HDAC4: variants seen among roughly 807,000 people sequenced by gnomAD.
HDAC4 encodes the protein histone deacetylase 4.
A neutral mutation model predicts 135.1 loss-of-function variants in HDAC4; 16 were observed. The observed-to-expected ratio is 0.12, with a 90% confidence interval of 0.08 to 0.18. The LOEUF (loss-of-function observed/expected upper bound fraction) is 0.18. Among genes scored for constraint, HDAC4 ranks in the 10% least tolerant of loss-of-function variants. The pLI is 1.00. For missense variants in HDAC4, 1,143 were observed against 1,511.8 expected, an observed-to-expected ratio of 0.76 and a Z score of 4.05; for synonymous variants, 685 against 653.4, an observed-to-expected ratio of 1.05 and a Z score of -0.74.
At chr2:239,259,177 G>A (rs1335401834) in intron 2 of HDAC4, among the ~76,000 whole-genome samples, 3 of 152,228 alleles carry the variant, frequency 2.0e-5, no homozygotes, top group Non-Finnish European at 4.4e-5. Context: ...GCCAGATGCA[G>A]TGGCTCACGC....
intron 17 of HDAC4, chr2:239,094,636 T>C: frequency 3.5e-6 from 4 of 1,144,684 alleles, no homozygotes; most frequent in Non-Finnish European, 4.3e-6. Context: ...GGGTGGAAAC[T>C]AGGTACAGAA....
intron 2 of HDAC4, among the ~76,000 whole-genome samples, chr2:239,338,025 G>A (rs533486493): frequency 8.5e-5 from 13 of 152,218 alleles, no homozygotes; most frequent in African/African-American, 1.7e-4. Context: ...CCAGCACACC[G>A]AAAGCCAGGG....
intron 3 of HDAC4, among the ~76,000 whole-genome samples, chr2:239,217,472 T>C (rs926810734): frequency 9.2e-5 from 14 of 152,184 alleles, no homozygotes; most frequent in African/African-American, 3.4e-4. Flanking sequence ...AGTCTAAATA[T>C]ATTATTTATA....
At chr2:239,322,478 C>T (rs769728431) in intron 2 of HDAC4, among the ~76,000 whole-genome samples, 1 of 152,212 alleles carries the variant, frequency 6.6e-6, no homozygotes, top group Admixed American at 6.5e-5. Flanking sequence ...ATGTAGAAAA[C>T]ACTTAGCAAA....
chr2:239,054,787 T>C lies in HDAC4; in HGVS notation c.3050A>G (p.Asn1017Ser). The C allele has an allele frequency of 6.2e-7, 1 of 1,613,720 alleles. No individual in the cohort carries two copies. Among genetic ancestry groups the C allele is most frequent in the Non-Finnish European group, 8.5e-7 (1 of 1,179,676 alleles). Reference protein sequence around the residue: ...EKVLQQRPNANAVRSMEKVME... With the variant: ...EKVLQQRPNASAVRSMEKVME... ...GACTTTCTCCATGGAACGGACAGCG[T>C]TTGCATTGGGTCTTTGCTGTAAAAC... The change falls in exon 25 of 27, where the codon AAC becomes AGC. Residue 1017 changes from asparagine to serine, a missense_variant. Transcript: ENST00000543185.
intron 6 of HDAC4, among the ~76,000 whole-genome samples, chr2:239,162,678 G>A (rs1161873104): frequency 6.6e-6 from 1 of 152,174 alleles, no homozygotes; most frequent in African/African-American, 2.4e-5. Context: ...GTCCCTGGTC[G>A]AGTTACCCAA....
chr2:239,256,387 G>GAACA (rs2049052327), intron 2 of HDAC4, among the ~76,000 whole-genome samples: 1 of 152,244 alleles, frequency 6.6e-6, no homozygotes, highest in Non-Finnish European at 1.5e-5. Flanking sequence ...TGTGAATTCT[G>GAACA]TCGCAGGGGA....
intron 17 of HDAC4, among the ~76,000 whole-genome samples, chr2:239,093,633 C>T (rs963916008): frequency 5.3e-5 from 8 of 152,254 alleles, no homozygotes; most frequent in African/African-American, 1.7e-4. Flanking sequence ...TCTCTGCCCG[C>T]GTCCACGTGG....
At chr2:239,131,109 G>T (rs907055465) in intron 11 of HDAC4, among the ~76,000 whole-genome samples, 1 of 152,254 alleles carries the variant, frequency 6.6e-6, no homozygotes, top group African/African-American at 2.4e-5. Flanking sequence ...AGCAGCACAT[G>T]AACAGGGACA....
chr2:239,285,505 C>T lies in HDAC4; in HGVS notation c.23-48841G>A, dbSNP rs923904223. 1.3e-5 allele frequency among the ~76,000 whole-genome samples: 2 copies of T among 152,168 alleles called. No homozygotes were observed. Among genetic ancestry groups the T allele is most frequent in the African/African-American group, 4.8e-5 (2 of 41,436 alleles). On this transcript the variant is annotated intron_variant, in intron 2 of 26. Transcript: ENST00000543185. This position sits in a 1 kb window ranked among gnomAD's most constrained non-coding sequence, Gnocchi z 4.5. The stretch of plus-strand genomic sequence containing the variant: ...GCCAGCAAGTGTCTCCGCCGCGGGA[C>T]CTGTCATCCCAGCTGGTGGGGAGAA...
intron 2 of HDAC4, among the ~76,000 whole-genome samples, chr2:239,342,039 C>T (rs530857835): frequency 1.6e-4 from 24 of 152,220 alleles, no homozygotes; most frequent in East Asian, 7.7e-4. Context: ...ACACCAAGTC[C>T]GCTGGCACCT....
At chr2:239,379,166 G>A (rs772887312) in intron 1 of HDAC4, among the ~76,000 whole-genome samples, 15 of 152,060 alleles carry the variant, frequency 9.9e-5, no homozygotes, top group Non-Finnish European at 1.6e-4. Context: ...GGTGGAGGCC[G>A]CCAAGAAAAG....
chr2:239,302,767 C>T (rs534269056), intron 2 of HDAC4, among the ~76,000 whole-genome samples: 31 of 152,360 alleles, frequency 2.0e-4, no homozygotes, highest in Admixed American at 1.8e-3. Context: ...GCAGGAAGAA[C>T]CATCGCTGCT....
intron 3 of HDAC4, among the ~76,000 whole-genome samples, chr2:239,205,767 T>G (rs1199929668): frequency 6.6e-6 from 1 of 151,842 alleles, no homozygotes. Flanking sequence ...ACCTAACTTG[T>G]GGGGTTGAAG....
chr2:239,280,767 A>G lies in HDAC4; in HGVS notation c.23-44103T>C, dbSNP rs375610766. On this transcript the variant is annotated intron_variant, in intron 2 of 26. Transcript: ENST00000543185. ...TGTAAACCATGTACACCACTCCACAATGTACACACCACTCTACAATGAACA... is the reference window on the plus strand; with the variant it reads ...TGTAAACCATGTACACCACTCCACAGTGTACACACCACTCTACAATGAACA... Among the ~76,000 whole-genome samples the G allele has an allele frequency of 4.5e-4, 68 of 152,060 alleles. 2 individuals are homozygous for G. The highest frequency in any genetic ancestry group is 1.6e-3 in the African/African-American group (66 of 41,442).
intron 1 of HDAC4, among the ~76,000 whole-genome samples, chr2:239,377,742 A>G (rs893230040): frequency 1.3e-5 from 2 of 151,410 alleles, no homozygotes; most frequent in African/African-American, 4.9e-5. Context: ...TGGTGAAAAG[A>G]CCCCCAGGAC....
chr2:239,315,401 G>C (rs1191612921), intron 2 of HDAC4, among the ~76,000 whole-genome samples: 1 of 152,206 alleles, frequency 6.6e-6, no homozygotes, highest in Non-Finnish European at 1.5e-5. Flanking sequence ...CCTGTAATCA[G>C]AATCCCAGAA....
rs1435788781 is a variant in HDAC4, at chr2:239,070,926, TG to T, written c.2751-2320del. ...CTAACCATGTCAATGCAGTCTCTGT[TG>T]TTTTTTTTTTTTTTTTTTACATTAA... On this transcript the variant is annotated intron_variant, in intron 22 of 26. Coordinates refer to ENST00000543185, the MANE Select transcript of HDAC4 (RefSeq NM_001378414.1). Among the ~76,000 whole-genome samples the T allele has an allele frequency of 6.3e-4, 35 of 55,594 alleles. 1 individual carries two copies. The highest frequency in any genetic ancestry group is 4.1e-3 in the East Asian group (8 of 1,950). The allele number at this position is 55,594 out of a possible 152,430, so 36.5% of individuals were successfully genotyped here.
At chr2:239,344,567 A>C (rs1025960425) in intron 2 of HDAC4, among the ~76,000 whole-genome samples, 3 of 152,182 alleles carry the variant, frequency 2.0e-5, no homozygotes, top group Non-Finnish European at 2.9e-5. Flanking sequence ...ATAAGTCCTT[A>C]TGTCTACATG....
Sources: gnomAD v4.1 joint callset for allele counts (sites outside exome capture counted in the v4.1 genomes callset) on GRCh38, gnomAD v4.1.1 for gene constraint, Gnocchi (gnomAD v3.1) non-coding constraint, MANE v1.5 for transcripts, NCBI Gene and HGNC (gene_info 2026-07-23, HGNC 2026-07-21) for gene names.